PHACTR1: variants seen among roughly 807,000 people sequenced by gnomAD.
PHACTR1 encodes phosphatase and actin regulator 1, also known as RPEL repeat containing 1.
In PHACTR1, 16 loss-of-function variants were observed where a neutral mutation model predicts 69.2. The ratio of observed to expected loss-of-function variants is 0.23; its 90% CI spans 0.16 to 0.35. PHACTR1 has a LOEUF of 0.35. Ranked by LOEUF, PHACTR1 falls within the 10% of genes least tolerant of loss-of-function variation. PHACTR1 has a pLI of 1.00. For missense variants in PHACTR1, 510 were observed against 734.7 expected, an observed-to-expected ratio of 0.69 and a Z score of 3.54; for synonymous variants, 312 against 284.5, an observed-to-expected ratio of 1.10 and a Z score of -0.97.
At chr6:13,217,236 G>T (rs926203427) in intron 8 of PHACTR1, among the ~76,000 whole-genome samples, 1 of 152,152 alleles carries the variant, frequency 6.6e-6, no homozygotes, top group Non-Finnish European at 1.5e-5. Flanking sequence ...TTCTAATTTC[G>T]CAGCTGCCTG....
At chr6:13,139,020 A>G (rs1821987627) in intron 5 of PHACTR1, among the ~76,000 whole-genome samples, 1 of 151,964 alleles carries the variant, frequency 6.6e-6, no homozygotes, top group African/African-American at 2.4e-5. Flanking sequence ...TGAACATGAC[A>G]TGGAGCCATG....
chr6:13,230,997 CAGAGAG>C (rs36074569), intron 10 of PHACTR1, among the ~76,000 whole-genome samples: 2 of 113,416 alleles, frequency 1.8e-5, no homozygotes, highest in Admixed American at 1.0e-4. Context: ...GCCCAGGTGA[CAGAGAG>C]AGAGAGAGAG....
chr6:13,090,486 C>T lies in PHACTR1; in HGVS notation c.415+36957C>T, dbSNP rs558325476. On this transcript the variant is annotated intron_variant, in intron 5 of 14. Coordinates refer to ENST00000332995, the MANE Select transcript of PHACTR1 (RefSeq NM_030948.6). The stretch of plus-strand genomic sequence containing the variant: ...GACTATAGGTGCCCGCCACCATGCC[C>T]GGCTAATTTTTGTATGTTTAGTAGA... 7.2e-5 allele frequency among the ~76,000 whole-genome samples: 11 copies of T among 152,096 alleles called. No homozygotes were observed. The East Asian group carries it at 1.6e-3, about 21-fold the overall frequency.
At chr6:12,840,973 C>A (rs980710906) in intron 4 of PHACTR1, among the ~76,000 whole-genome samples, 1 of 152,214 alleles carries the variant, frequency 6.6e-6, no homozygotes, top group Non-Finnish European at 1.5e-5. Flanking sequence ...TGGGGCACAA[C>A]CTTAAATAGG....
chr6:12,768,148 T>G (rs1768889676), intron 4 of PHACTR1, among the ~76,000 whole-genome samples: 1 of 137,716 alleles, frequency 7.3e-6, no homozygotes, highest in African/African-American at 2.7e-5. Flanking sequence ...GGAGTCTTGC[T>G]CCATTGCCCA....
chr6:13,225,495 C>G (rs1474780055), intron 8 of PHACTR1, among the ~76,000 whole-genome samples: 1 of 152,210 alleles, frequency 6.6e-6, no homozygotes, highest in African/African-American at 2.4e-5. Flanking sequence ...GCAAGAAGGT[C>G]TCTCGCTGCC....
intron 4 of PHACTR1, among the ~76,000 whole-genome samples, chr6:12,917,254 T>C (rs1273600193): frequency 2.6e-5 from 4 of 152,258 alleles, no homozygotes; most frequent in African/African-American, 9.6e-5. Flanking sequence ...ATAAGTGTTG[T>C]TGAGTGAAGT....
rs529856367 is a variant in PHACTR1 at position 12,784,681 on chromosome 6, C to T, written c.250+34891C>T. On this transcript the variant is annotated intron_variant, in intron 4 of 14. Transcript: ENST00000332995. The stretch of plus-strand genomic sequence containing the variant: ...ATGTAATGATATATACATACACATC[C>T]ACACGTGTATATATATGTATTTATA... Among the ~76,000 whole-genome samples the T allele has an allele frequency of 4.0e-5, 6 of 151,408 alleles. No homozygotes were observed. In the East Asian group the frequency reaches 1.2e-3, roughly 29 times the overall value.
chr6:12,776,645 A>G (rs1770099989), intron 4 of PHACTR1, among the ~76,000 whole-genome samples: 1 of 152,212 alleles, frequency 6.6e-6, no homozygotes, highest in African/African-American at 2.4e-5. Flanking sequence ...GTAAAATCCC[A>G]CTTAACGATT....
At chr6:12,738,371 T>G (rs2127581599) in intron 3 of PHACTR1, among the ~76,000 whole-genome samples, 1 of 152,352 alleles carries the variant, frequency 6.6e-6, no homozygotes, top group South Asian at 2.1e-4. Context: ...GTCCCCTTTC[T>G]AGTTTGAAAC....
In PHACTR1 at chr6:13,287,087, T is replaced by C. The variant is rs765344529; in HGVS notation, c.*9T>C. On this transcript the variant is annotated 3_prime_UTR_variant, in exon 15 of 15. Coordinates refer to ENST00000332995, the MANE Select transcript of PHACTR1 (RefSeq NM_030948.6). The stretch of plus-strand genomic sequence containing the variant: ...GGTTTCACCGACCTTAACAGTCGAA[T>C]TCCTCTTGAGTGCTATGCTGTCTTC... 9.4e-6 allele frequency: 15 copies of C among 1,604,242 alleles called. No individual in the cohort carries two copies. The Admixed American group carries it at 1.0e-4, about 11-fold the overall frequency.
chr6:12,796,656 T>C (rs1235053022), intron 4 of PHACTR1, among the ~76,000 whole-genome samples: 1 of 152,112 alleles, frequency 6.6e-6, no homozygotes, highest in Non-Finnish European at 1.5e-5. Context: ...AGGTGGGAGA[T>C]ATGGTTTGCA....
chr6:12,757,354 G>A (rs1384058336), intron 4 of PHACTR1, among the ~76,000 whole-genome samples: 1 of 152,150 alleles, frequency 6.6e-6, no homozygotes, highest in African/African-American at 2.4e-5. Flanking sequence ...GGATTGAGAA[G>A]GAATGGGGAC....
intron 4 of PHACTR1, among the ~76,000 whole-genome samples, chr6:12,963,184 C>T (rs1172416171): frequency 3.3e-5 from 5 of 152,172 alleles, no homozygotes; most frequent in East Asian, 3.8e-4. Context: ...GAGGAACTGA[C>T]GCTTCTTCCA....
intron 5 of PHACTR1, among the ~76,000 whole-genome samples, chr6:13,075,120 A>C (rs986842813): frequency 6.6e-6 from 1 of 152,224 alleles, no homozygotes; most frequent in African/African-American, 2.4e-5. Flanking sequence ...TTAGCCACAC[A>C]TCACCTTTGC....
chr6:12,732,395 C>T (rs1419984443), intron 3 of PHACTR1, among the ~76,000 whole-genome samples: 1 of 151,662 alleles, frequency 6.6e-6, no homozygotes, highest in East Asian at 1.9e-4. Flanking sequence ...ATGTGCAGAA[C>T]GTGCAGGTTT....
intron 4 of PHACTR1, among the ~76,000 whole-genome samples, chr6:13,011,522 G>A (rs916109169): frequency 6.6e-6 from 1 of 152,200 alleles, no homozygotes; most frequent in Non-Finnish European, 1.5e-5. Flanking sequence ...TAAGCTGGTG[G>A]CTGTGTCAGT....
intron 4 of PHACTR1, among the ~76,000 whole-genome samples, chr6:12,917,480 C>A (rs9472964): frequency 0.014 from 2,203 of 152,254 alleles, 49 homozygotes; most frequent in African/African-American, 0.05. Flanking sequence ...AGGCCAGGCG[C>A]AGTGGCTCAC....
At position 12,717,733 on chromosome 6, in the gene PHACTR1, T is replaced by C. The variant is rs1761569262; in HGVS notation, c.-57T>C. 6.6e-6 allele frequency: 1 copy of C among 152,246 alleles called. No homozygotes were observed. The highest frequency in any genetic ancestry group is 2.1e-4 in the South Asian group (1 of 4,830). The allele number at this position is 152,246 out of a possible 1,614,324, so 9.4% of individuals were successfully genotyped here. A position where few individuals can be genotyped will look rare whatever the true frequency, so the allele number is the denominator to read the frequency against. On this transcript the variant is annotated 5_prime_UTR_variant, in exon 2 of 15. Transcript: ENST00000332995. ...CCGCTGACAGATAGCCTTTGATTTTTATTTTTTGCAGTAAGTATATTTGCT... is the reference window on the plus strand; with the variant it reads ...CCGCTGACAGATAGCCTTTGATTTTCATTTTTTGCAGTAAGTATATTTGCT...
Sources: allele counts gnomAD v4.1 joint callset (sites outside exome capture counted in the v4.1 genomes callset), GRCh38; gene constraint gnomAD v4.1.1; transcripts MANE v1.5; gene names NCBI Gene and HGNC (gene_info 2026-07-23, HGNC 2026-07-21).